The following DNER variants were observed in gnomAD, a reference collection of about 807,000 sequenced individuals.
DNER encodes the protein delta/notch like EGF repeat containing, also known as delta and Notch-like epidermal growth factor-related receptor.
In DNER, 33 loss-of-function variants were observed where a neutral mutation model predicts 78.2. The observed-to-expected ratio is 0.42, with a 90% CI of 0.32 to 0.56. The LOEUF is 0.56. Ranked by LOEUF, DNER falls within the 20% of genes least tolerant of loss-of-function variation. DNER has a pLI of 0.11. For synonymous variants in DNER, 417 were observed against 384.8 expected, an observed-to-expected ratio of 1.08 and a Z score of -0.98; for missense variants, 918 against 975.3, an observed-to-expected ratio of 0.94 and a Z score of 0.78.
chr2:229,599,817 A>T (rs1574921390), intron 1 of DNER, among the ~76,000 whole-genome samples: 1 of 152,370 alleles, frequency 6.6e-6, no homozygotes, highest in South Asian at 2.1e-4. Context: ...CAAAATAAAC[A>T]GTCTACAGAA....
intron 1 of DNER, among the ~76,000 whole-genome samples, chr2:229,698,996 T>C (rs1468479324): frequency 6.6e-6 from 1 of 152,086 alleles, no homozygotes; most frequent in African/African-American, 2.4e-5. Context: ...AAAAATACAA[T>C]ATGGAGAGTA....
chr2:229,609,385 T>G (rs1698002521), intron 1 of DNER, among the ~76,000 whole-genome samples: 1 of 152,196 alleles, frequency 6.6e-6, no homozygotes, highest in South Asian at 2.1e-4. Flanking sequence ...TTATGCTTTT[T>G]AAAGGTTGGA....
intron 6 of DNER, among the ~76,000 whole-genome samples, chr2:229,490,551 A>G (rs1484828302): frequency 1.3e-5 from 2 of 152,114 alleles, no homozygotes; most frequent in African/African-American, 4.8e-5. Flanking sequence ...CAGAATGTAG[A>G]TGAGTGGTTG....
At chr2:229,673,538 A>C (rs149537729) in intron 1 of DNER, among the ~76,000 whole-genome samples, 221 of 152,224 alleles carry the variant, frequency 1.5e-3, no homozygotes, top group Admixed American at 4.1e-3. Flanking sequence ...TATAGACATG[A>C]ACATGTGTCA....
At chr2:229,553,710 T>G (rs1477111) in intron 4 of DNER, among the ~76,000 whole-genome samples, 120,356 of 152,100 alleles carry the variant, frequency 0.79, 47,852 homozygotes, top group East Asian at 0.96. Context: ...TCAATCTCTA[T>G]TGTGTATGCC....
chr2:229,704,963 T>C (rs1479053862), intron 1 of DNER, among the ~76,000 whole-genome samples: 1 of 152,364 alleles, frequency 6.6e-6, no homozygotes, highest in East Asian at 1.9e-4. Flanking sequence ...TTTGACTTTT[T>C]GTCCTATTCT....
chr2:229,648,052 GC>G (rs1420698474), intron 1 of DNER, among the ~76,000 whole-genome samples: 1 of 152,080 alleles, frequency 6.6e-6, no homozygotes, highest in Non-Finnish European at 1.5e-5. Context: ...CCTATCATTA[GC>G]CTTTTTATAC....
intron 1 of DNER, among the ~76,000 whole-genome samples, chr2:229,598,518 C>A (rs1697765763): frequency 3.9e-5 from 6 of 152,174 alleles, no homozygotes; most frequent in Admixed American, 3.9e-4. Flanking sequence ...TATTGGGATC[C>A]TTTGTTTGAT....
At chr2:229,669,449 A>C (rs1240179776) in intron 1 of DNER, among the ~76,000 whole-genome samples, 1 of 151,990 alleles carries the variant, frequency 6.6e-6, no homozygotes, top group Non-Finnish European at 1.5e-5. Flanking sequence ...AATTCTGTGA[A>C]AAAAGTTAAT....
intron 1 of DNER, among the ~76,000 whole-genome samples, chr2:229,635,402 C>T (rs1260633823): frequency 1.4e-5 from 2 of 140,492 alleles, no homozygotes; most frequent in East Asian, 4.2e-4. Context: ...TATTGATTAG[C>T]AATGTCTACC....
chr2:229,434,818 A>C (rs1694086636), intron 8 of DNER, among the ~76,000 whole-genome samples: 1 of 151,794 alleles, frequency 6.6e-6, no homozygotes, highest in African/African-American at 2.4e-5. Flanking sequence ...AGTTCAGGGG[A>C]CCTCACCATT....
intron 1 of DNER, among the ~76,000 whole-genome samples, chr2:229,616,669 A>G (rs943702573): frequency 1.3e-5 from 2 of 152,206 alleles, no homozygotes; most frequent in African/African-American, 2.4e-5. Context: ...TCTGGGTGTC[A>G]CGGGTGAAGT....
intron 5 of DNER, among the ~76,000 whole-genome samples, chr2:229,537,340 T>C (rs952261865): frequency 6.6e-6 from 1 of 152,192 alleles, no homozygotes; most frequent in Non-Finnish European, 1.5e-5. Context: ...GCTATAATCC[T>C]GAATATCCTC....
intron 1 of DNER, among the ~76,000 whole-genome samples, chr2:229,687,793 G>A (rs1447179516): frequency 6.6e-6 from 1 of 152,138 alleles, no homozygotes; most frequent in African/African-American, 2.4e-5. Flanking sequence ...GCCAAATTTA[G>A]ACATAAGGCT....
At chr2:229,667,966 C>A (rs941412856) in intron 1 of DNER, among the ~76,000 whole-genome samples, 20 of 152,182 alleles carry the variant, frequency 1.3e-4, no homozygotes, top group Non-Finnish European at 2.1e-4. Context: ...GGGGCAGTGA[C>A]CATGTCAGAG....
In DNER at chr2:229,426,440, CAAAAAAAAAAAA is replaced by C. The variant is rs58842918; in HGVS notation, c.1487-8222_1487-8211del. 8.7e-5 allele frequency among the ~76,000 whole-genome samples: 6 copies of C among 69,212 alleles called. No homozygotes were observed. In the East Asian group the frequency reaches 3.2e-3, roughly 37 times the overall value. 45.4% of individuals were successfully genotyped at this position (69,212 alleles called of 152,430 possible). On this transcript the variant is annotated intron_variant, in intron 8 of 12. Coordinates refer to ENST00000341772, the MANE Select transcript of DNER (RefSeq NM_139072.4). ...TGGGTGACAGAGCGAGACTCCATCTCAAAAAAAAAAAAAAAAAAAAAAAAGATATGGGTCACA... is the reference window on the plus strand; with the variant it reads ...TGGGTGACAGAGCGAGACTCCATCTCAAAAAAAAAAAAGATATGGGTCACA...
intron 1 of DNER, among the ~76,000 whole-genome samples, chr2:229,627,911 CA>C (rs141205543): frequency 0.018 from 2,722 of 152,280 alleles, 87 homozygotes; most frequent in East Asian, 0.17. Context: ...CAACATGGCG[CA>C]ACAATGGTTC....
chr2:229,458,605 T>C lies in DNER; in HGVS notation c.1262-11065A>G, dbSNP rs945936934. Among the ~76,000 whole-genome samples, 8 of 151,140 alleles carry C rather than the reference T, an allele frequency of 5.3e-5. 1 individual carries two copies. Among genetic ancestry groups the C allele is most frequent in the African/African-American group, 2.0e-4 (8 of 40,828 alleles). On this transcript the variant is annotated intron_variant, in intron 7 of 12. Transcript: ENST00000341772. ...AAGAAAAACTCTCAGCAAACTAAAA[T>C]AGAAGGTAACACTTGCTGTATCTTT...
At chr2:229,381,922 G>T (rs1692746370) in intron 11 of DNER, among the ~76,000 whole-genome samples, 1 of 152,208 alleles carries the variant, frequency 6.6e-6, no homozygotes, top group Non-Finnish European at 1.5e-5. Context: ...CAGCACTTGA[G>T]CTCTGTTAAA....
Sources: gnomAD v4.1 joint callset for allele counts (sites outside exome capture counted in the v4.1 genomes callset) on GRCh38, gnomAD v4.1.1 for gene constraint, MANE v1.5 for transcripts, NCBI Gene and HGNC (gene_info 2026-07-23, HGNC 2026-07-21) for gene names.